ABHD17B: variants seen among roughly 807,000 people sequenced by gnomAD.
ABHD17B encodes the protein alpha/beta hydrolase domain-containing protein 17B.
In ABHD17B, 9 loss-of-function variants were observed where a neutral mutation model predicts 26.2. That is an observed-to-expected ratio of 0.34 (90% CI 0.21 to 0.60). ABHD17B has a LOEUF of 0.60. Ranked by LOEUF, ABHD17B falls within the 20% of genes least tolerant of loss-of-function variation. ABHD17B has a pLI of 0.80. For missense variants in ABHD17B, 224 were observed against 352.1 expected (o/e 0.64, Z 2.91); for synonymous variants, 127 against 122.3 (o/e 1.04, Z -0.25).
intron 1 of ABHD17B, among the ~76,000 whole-genome samples, chr9:71,893,219 T>C (rs1308871048): frequency 6.6e-6 from 1 of 152,200 alleles, no homozygotes; most frequent in African/African-American, 2.4e-5. Context: ...AGCAATCGCT[T>C]CTGCAGTGGA....
chr9:71,898,848 C>T (rs910348222), intron 1 of ABHD17B, among the ~76,000 whole-genome samples: 8 of 152,196 alleles, frequency 5.3e-5, no homozygotes, highest in African/African-American at 1.7e-4. Context: ...AAAAATTAGG[C>T]GTGGTGGTGC....
chr9:71,868,495 GA>G (rs556954420), intron 3 of ABHD17B, among the ~76,000 whole-genome samples: 1 of 152,122 alleles, frequency 6.6e-6, no homozygotes, highest in Non-Finnish European at 1.5e-5. Flanking sequence ...AGAATCTTTA[GA>G]GAAAGGTATT....
At chr9:71,897,650 G>A (rs1266166385) in intron 1 of ABHD17B, among the ~76,000 whole-genome samples, 1 of 152,102 alleles carries the variant, frequency 6.6e-6, no homozygotes, top group Non-Finnish European at 1.5e-5. Flanking sequence ...TAGAGATATG[G>A]GGGAATTATA....
rs1180729763 is a variant in ABHD17B at position 71,894,087 on chromosome 9, C to CAAAA, written c.-4+16543_-4+16546dup. Among the ~76,000 whole-genome samples the CAAAA allele has an allele frequency of 5.2e-4, 27 of 52,322 alleles. 5 individuals are homozygous for CAAAA. The highest frequency in any genetic ancestry group is 2.3e-3 in the African/African-American group (27 of 11,628). 34.3% of individuals were successfully genotyped at this position (52,322 alleles called of 152,430 possible). A position where few individuals can be genotyped will look rare whatever the true frequency, so the allele number is the denominator to read the frequency against. ...TGGGCGACAGAGCGAGACTCTATCT[C>CAAAA]AAAAAAAAAAAAAAAAAAAAAAAAA... On this transcript the variant is annotated intron_variant, in intron 1 of 3. Transcript: ENST00000333421.
chr9:71,902,860 C>A (rs1827183800), intron 1 of ABHD17B, among the ~76,000 whole-genome samples: 1 of 152,064 alleles, frequency 6.6e-6, no homozygotes, highest in Admixed American at 6.5e-5. Flanking sequence ...ATTTTCAAAA[C>A]AAACTTAAAA....
intron 1 of ABHD17B, among the ~76,000 whole-genome samples, chr9:71,905,536 G>T (rs984584151): frequency 3.3e-5 from 5 of 152,142 alleles, no homozygotes; most frequent in African/African-American, 9.7e-5. Context: ...TTATGGACTG[G>T]AAGTTGTACT....
chr9:71,879,167 CA>C (rs914452107), intron 1 of ABHD17B, among the ~76,000 whole-genome samples: 1 of 151,942 alleles, frequency 6.6e-6, no homozygotes, highest in African/African-American at 2.4e-5. Flanking sequence ...ACAATAACAA[CA>C]AAACAAACAA....
intron 1 of ABHD17B, among the ~76,000 whole-genome samples, chr9:71,909,469 C>T (rs1043249144): frequency 2.6e-5 from 4 of 152,192 alleles, no homozygotes; most frequent in Admixed American, 6.5e-5. Context: ...AACTGAAATT[C>T]ATGCTATAAA....
At chr9:71,890,302 A>G (rs1826745289) in intron 1 of ABHD17B, among the ~76,000 whole-genome samples, 1 of 151,942 alleles carries the variant, frequency 6.6e-6, no homozygotes, top group Non-Finnish European at 1.5e-5. Flanking sequence ...AGACACACAC[A>G]CACACGAAAG....
At chr9:71,903,049 T>C (rs1183991998) in intron 1 of ABHD17B, among the ~76,000 whole-genome samples, 4 of 152,340 alleles carry the variant, frequency 2.6e-5, no homozygotes, top group East Asian at 1.9e-4. Flanking sequence ...GCATGTGCTA[T>C]GCATTTTCTA....
At position 71,892,173 on chromosome 9, in the gene ABHD17B, T is replaced by C. The variant is rs372261725; in HGVS notation, c.-3-17090A>G. 1.5e-4 allele frequency among the ~76,000 whole-genome samples: 23 copies of C among 152,240 alleles called. No individual in the cohort carries two copies. The East Asian group carries it at 2.1e-3, about 14-fold the overall frequency. On this transcript the variant is annotated intron_variant, in intron 1 of 3. Transcript: ENST00000333421. ...TTCAGATACAATCTTCCATAGTATA[T>C]AAAAAGAATGAAGAAATTTATAATT...
chr9:71,895,617 T>C (rs1250815299), intron 1 of ABHD17B, among the ~76,000 whole-genome samples: 1 of 152,220 alleles, frequency 6.6e-6, no homozygotes, highest in Non-Finnish European at 1.5e-5. Context: ...CATCAAGCTG[T>C]TCAGCCTCTG....
intron 3 of ABHD17B, among the ~76,000 whole-genome samples, chr9:71,867,875 G>A (rs1426900312): frequency 6.6e-6 from 1 of 152,012 alleles, no homozygotes; most frequent in African/African-American, 2.4e-5. Flanking sequence ...CCAGAATGCT[G>A]GTAGTCAGGC....
At chr9:71,888,715 A>G (rs1826685049) in intron 1 of ABHD17B, among the ~76,000 whole-genome samples, 1 of 152,168 alleles carries the variant, frequency 6.6e-6, no homozygotes, top group African/African-American at 2.4e-5. Context: ...AAGTTTATAA[A>G]ACCATTTACA....
At chr9:71,862,500 A>G (rs1825853574), downstream of ABHD17B, 2 of 1,490,442 alleles carry the variant, frequency 1.3e-6, no homozygotes, top group Non-Finnish European at 1.8e-6. Flanking sequence ...GATCATTGGT[A>G]TATTAATCCA....
intron 1 of ABHD17B, among the ~76,000 whole-genome samples, chr9:71,889,040 G>A (rs1176370162): frequency 1.3e-5 from 2 of 151,162 alleles, no homozygotes; most frequent in African/African-American, 4.8e-5. Flanking sequence ...AAACCAGCCA[G>A]GTGCAGTGTC....
chr9:71,905,284 G>A (rs775553235), intron 1 of ABHD17B, among the ~76,000 whole-genome samples: 3 of 151,862 alleles, frequency 2.0e-5, no homozygotes, highest in East Asian at 1.9e-4. Context: ...CACTACACCC[G>A]GCTAAGTTTT....
intron 1 of ABHD17B, among the ~76,000 whole-genome samples, chr9:71,909,833 G>T (rs1827393862): frequency 6.6e-6 from 1 of 151,144 alleles, no homozygotes; most frequent in Non-Finnish European, 1.5e-5. Flanking sequence ...TTCTCTTCTG[G>T]CATTGGCAGA....
chr9:71,906,562 T>C (rs1827290990), intron 1 of ABHD17B, among the ~76,000 whole-genome samples: 1 of 152,140 alleles, frequency 6.6e-6, no homozygotes, highest in South Asian at 2.1e-4. Flanking sequence ...GTAATCCCAA[T>C]GTCCCAGTGC....
Sources: gnomAD v4.1 joint callset for allele counts (sites outside exome capture counted in the v4.1 genomes callset) on GRCh38, gnomAD v4.1.1 for gene constraint, MANE v1.5 for transcripts, NCBI Gene and HGNC (gene_info 2026-07-23, HGNC 2026-07-21) for gene names.